RALYL: variants seen among roughly 807,000 people sequenced by gnomAD.
RALYL encodes RNA-binding Raly-like protein.
Under a neutral mutation model 35.1 loss-of-function variants are expected in RALYL, and 29 were observed. That is an observed-to-expected ratio of 0.83 (90% CI 0.61 to 1.13). The LOEUF (loss-of-function observed/expected upper bound fraction) is 1.13, where lower values mean the gene tolerates loss of function less well. Ranked by LOEUF, RALYL falls within the 50% of genes most tolerant of loss-of-function variation. RALYL has a pLI of 0.00. For synonymous variants in RALYL, 120 were observed against 127.6 expected, an observed-to-expected ratio of 0.94 and a Z score of 0.40; for missense variants, 359 against 360.4, an observed-to-expected ratio of 1.00 and a Z score of 0.03.
chr8:84,821,870 T>C (rs1052342732), intron 4 of RALYL, among the ~76,000 whole-genome samples: 17 of 152,302 alleles, frequency 1.1e-4, no homozygotes, highest in African/African-American at 4.1e-4. Context: ...CTAAGGTAGA[T>C]ATTAAAATGA....
At chr8:84,799,648 C>G (rs1436112756) in intron 3 of RALYL, among the ~76,000 whole-genome samples, 2 of 152,166 alleles carry the variant, frequency 1.3e-5, no homozygotes, top group Non-Finnish European at 2.9e-5. Flanking sequence ...TAGGGAAAAA[C>G]AAGGAAGAGC....
intron 1 of RALYL, among the ~76,000 whole-genome samples, chr8:84,373,855 T>C (rs1333773549): frequency 6.6e-6 from 1 of 152,080 alleles, no homozygotes; most frequent in Non-Finnish European, 1.5e-5. Context: ...GGAATGCTTT[T>C]CCATTTGTTT....
intron 1 of RALYL, among the ~76,000 whole-genome samples, chr8:84,506,109 T>C (rs1274457483): frequency 6.6e-6 from 1 of 152,090 alleles, no homozygotes; most frequent in Admixed American, 6.6e-5. Flanking sequence ...CTAAGCATCA[T>C]AATTACTTTT....
chr8:84,538,057 A>G (rs1356380006), intron 2 of RALYL, among the ~76,000 whole-genome samples: 1 of 152,218 alleles, frequency 6.6e-6, no homozygotes, highest in African/African-American at 2.4e-5. Context: ...AATTAAACAG[A>G]GCTACTTAAA....
At chr8:84,365,293 T>A (rs1333118511) in intron 1 of RALYL, among the ~76,000 whole-genome samples, 1 of 152,168 alleles carries the variant, frequency 6.6e-6, no homozygotes, top group Non-Finnish European at 1.5e-5. Flanking sequence ...AATATTTCAC[T>A]CATATATTCA....
intron 1 of RALYL, among the ~76,000 whole-genome samples, chr8:84,360,300 T>C (rs1049767844): frequency 2.6e-5 from 4 of 152,312 alleles, no homozygotes; most frequent in African/African-American, 4.8e-5. Context: ...TCAAGAAATA[T>C]AGTTGATGCT....
Position 84,433,835 on chromosome 8 carries a change from G to A in RALYL, c.-23-95464G>A, listed in dbSNP as rs201337752. ...TGTGCGTGTGTGTGTGTGTGTGTAT[G>A]TGTGTGTGTATATATATATATATAT... On this transcript the variant is annotated intron_variant, in intron 1 of 8. Coordinates refer to ENST00000521268, the MANE Select transcript of RALYL (RefSeq NM_173848.7). Among the ~76,000 whole-genome samples, 25 of 107,638 alleles carry A rather than the reference G, an allele frequency of 2.3e-4. 2 individuals are homozygous for A. In the South Asian group the frequency reaches 5.8e-3, roughly 25 times the overall value. The allele number at this position is 107,638 out of a possible 152,430, so 70.6% of individuals were successfully genotyped here. A position where few individuals can be genotyped will look rare whatever the true frequency, so the allele number is the denominator to read the frequency against.
intron 1 of RALYL, among the ~76,000 whole-genome samples, chr8:84,230,977 A>G (rs1825206844): frequency 6.6e-6 from 1 of 152,198 alleles, no homozygotes; most frequent in Non-Finnish European, 1.5e-5. Flanking sequence ...GAGCCTCTAG[A>G]CACTAACACT....
intron 1 of RALYL, among the ~76,000 whole-genome samples, chr8:84,432,788 A>G (rs191739358): frequency 6.6e-6 from 1 of 152,228 alleles, no homozygotes; most frequent in Admixed American, 6.6e-5. Flanking sequence ...TCCAAGGAAT[A>G]ACAAAGATGA....
intron 2 of RALYL, among the ~76,000 whole-genome samples, chr8:84,575,664 T>C (rs1427690975): frequency 6.6e-6 from 1 of 152,190 alleles, no homozygotes; most frequent in Non-Finnish European, 1.5e-5. Context: ...CTCTGCTTTT[T>C]TATTAAGCAT....
At chr8:84,787,146 C>T (rs1418279524) in intron 3 of RALYL, among the ~76,000 whole-genome samples, 1 of 152,072 alleles carries the variant, frequency 6.6e-6, no homozygotes, top group Non-Finnish European at 1.5e-5. Context: ...TCTCCTAATG[C>T]AATCCCTCCC....
At chr8:84,459,133 T>C (rs1587455281) in intron 1 of RALYL, among the ~76,000 whole-genome samples, 1 of 151,744 alleles carries the variant, frequency 6.6e-6, no homozygotes, top group Non-Finnish European at 1.5e-5. Context: ...AGTTTCTAGA[T>C]TGTATATGAA....
intron 2 of RALYL, among the ~76,000 whole-genome samples, chr8:84,571,702 T>G (rs1588254823): frequency 1.3e-5 from 2 of 152,032 alleles, no homozygotes; most frequent in South Asian, 2.1e-4. Flanking sequence ...GGTGTGATAT[T>G]AGGTTGTTAA....
intron 2 of RALYL, among the ~76,000 whole-genome samples, chr8:84,612,799 C>A (rs1415339546): frequency 6.6e-6 from 1 of 151,466 alleles, no homozygotes; most frequent in Middle Eastern, 3.2e-3. Context: ...AGTAAGAAAA[C>A]CAAGTTCAAT....
intron 2 of RALYL, among the ~76,000 whole-genome samples, chr8:84,619,183 T>G (rs1820629061): frequency 6.6e-6 from 1 of 151,714 alleles, no homozygotes; most frequent in Admixed American, 6.6e-5. Flanking sequence ...TGTCTAATGT[T>G]GACAGTGGGG....
intron 2 of RALYL, among the ~76,000 whole-genome samples, chr8:84,632,095 G>A (rs1317248960): frequency 6.6e-6 from 1 of 151,788 alleles, no homozygotes; most frequent in African/African-American, 2.4e-5. Flanking sequence ...AAAGGGGTTA[G>A]TGTCCTTATA....
intron 2 of RALYL, among the ~76,000 whole-genome samples, chr8:84,665,397 C>A (rs1171439012): frequency 6.6e-6 from 1 of 151,880 alleles, no homozygotes; most frequent in East Asian, 1.9e-4. Flanking sequence ...AGGAATTGTA[C>A]CAGCTCTTCT....
intron 1 of RALYL, among the ~76,000 whole-genome samples, chr8:84,262,577 T>G (rs944619902): frequency 5.3e-5 from 8 of 152,196 alleles, no homozygotes; most frequent in Admixed American, 4.6e-4. Context: ...CAAATTGTCC[T>G]ATCCTGTTCT....
In RALYL at chr8:84,236,430, A is replaced by G. The variant is rs557470958; in HGVS notation, c.-24+52006A>G. ...GGCTAAATGACCCTTCCCCACAGGA[A>G]GGGTTCTGTGGGGTTCCTTTATTGC... is the stretch of plus-strand genomic sequence containing the variant. On this transcript the variant is annotated intron_variant, in intron 1 of 8. Coordinates refer to ENST00000521268, the MANE Select transcript of RALYL (RefSeq NM_173848.7). Among the ~76,000 whole-genome samples the G allele has an allele frequency of 7.7e-4, 118 of 152,300 alleles. 2 individuals carry two copies. In the South Asian group the frequency reaches 0.023, roughly 30 times the overall value.
Sources: allele counts gnomAD v4.1 joint callset (sites outside exome capture counted in the v4.1 genomes callset), GRCh38; gene constraint gnomAD v4.1.1; transcripts MANE v1.5; gene names NCBI Gene and HGNC (gene_info 2026-07-23, HGNC 2026-07-21).